Variants in SNAP25 observed in about 807,000 individuals in gnomAD.
SNAP25 encodes the protein synaptosomal-associated protein 25.
In SNAP25, 3 loss-of-function variants were observed where a neutral mutation model predicts 28.7. That is an observed-to-expected ratio of 0.10 (90% CI 0.05 to 0.27). The LOEUF (loss-of-function observed/expected upper bound fraction) is 0.27, where lower values mean the gene tolerates loss of function less well. SNAP25 is among the 10% of genes least tolerant of loss of function. The pLI, the probability that SNAP25 is intolerant of heterozygous loss-of-function variation, is 1.00. For missense variants in SNAP25, 117 were observed against 278.7 expected (o/e 0.42, Z 4.13); for synonymous variants, 61 against 88.1 (o/e 0.69, Z 1.72).
intron 1 of SNAP25, among the ~76,000 whole-genome samples, chr20:10,261,188 C>T (rs2122889545): frequency 6.6e-6 from 1 of 152,214 alleles, no homozygotes; most frequent in South Asian, 2.1e-4. Flanking sequence ...ATTTTTAGTA[C>T]AATGGGATTT....
intron 1 of SNAP25, among the ~76,000 whole-genome samples, chr20:10,246,339 G>A (rs977060296): frequency 2.4e-4 from 37 of 152,208 alleles, no homozygotes; most frequent in Non-Finnish European, 1.6e-4. Flanking sequence ...AGAAGGTGGA[G>A]AGAGAGATAA....
At chr20:10,246,195 G>A (rs1443456487) in intron 1 of SNAP25, among the ~76,000 whole-genome samples, 1 of 152,186 alleles carries the variant, frequency 6.6e-6, no homozygotes, top group Admixed American at 6.5e-5. Flanking sequence ...TCAAAGACAG[G>A]GTCTCACACT....
chr20:10,226,689 G>C (rs1387006738), intron 1 of SNAP25, among the ~76,000 whole-genome samples: 1 of 152,080 alleles, frequency 6.6e-6, no homozygotes, highest in Non-Finnish European at 1.5e-5. Context: ...TTTCTACTGA[G>C]CTGTCAGTAT....
At chr20:10,243,268 A>T (rs1600671203) in intron 1 of SNAP25, among the ~76,000 whole-genome samples, 1 of 152,362 alleles carries the variant, frequency 6.6e-6, no homozygotes, top group East Asian at 1.9e-4. Context: ...AAAAGTTGCA[A>T]GGGTGGTATA....
chr20:10,279,446 C>T (rs369312240), intron 3 of SNAP25, among the ~76,000 whole-genome samples: 3 of 152,074 alleles, frequency 2.0e-5, no homozygotes, highest in South Asian at 2.1e-4. Flanking sequence ...ATATCAGAAC[C>T]GTCACTAATT....
intron 1 of SNAP25, among the ~76,000 whole-genome samples, chr20:10,236,642 G>A (rs1251091861): frequency 6.6e-6 from 1 of 152,070 alleles, no homozygotes; most frequent in African/African-American, 2.4e-5. Flanking sequence ...ACACAAGGGA[G>A]GAGGCAATGG....
intron 1 of SNAP25, among the ~76,000 whole-genome samples, chr20:10,223,929 G>A (rs2062681637): frequency 6.6e-6 from 1 of 152,158 alleles, no homozygotes; most frequent in Admixed American, 6.5e-5. Flanking sequence ...GACATAAATT[G>A]ATTTAGAATG....
At chr20:10,246,099 T>G (rs2063122496) in intron 1 of SNAP25, among the ~76,000 whole-genome samples, 1 of 152,248 alleles carries the variant, frequency 6.6e-6, no homozygotes, top group Admixed American at 6.5e-5. Flanking sequence ...GTCTAAAGTC[T>G]GCTGGGAAAA....
intron 1 of SNAP25, among the ~76,000 whole-genome samples, chr20:10,230,664 T>C (rs548315665): frequency 6.6e-6 from 1 of 152,264 alleles, no homozygotes; most frequent in East Asian, 1.9e-4. Context: ...CTAGAGATCT[T>C]TGTTGTTCCT....
chr20:10,225,894 A>T (rs2062727062), intron 1 of SNAP25, among the ~76,000 whole-genome samples: 2 of 152,078 alleles, frequency 1.3e-5, no homozygotes, highest in South Asian at 4.2e-4. Flanking sequence ...AAGTAAAAAA[A>T]TGAAAGTCTC....
At chr20:10,306,050 A>G (rs555418682) in intron 7 of SNAP25, 79 bp from the exon 8 acceptor site, 3 of 1,343,178 alleles carry the variant, frequency 2.2e-6, no homozygotes, top group Admixed American at 1.8e-5. Context: ...CCCAAGAGGA[A>G]GCATTGGACC....
chr20:10,236,696 A>C (rs1463346243), intron 1 of SNAP25, among the ~76,000 whole-genome samples: 1 of 152,090 alleles, frequency 6.6e-6, no homozygotes, highest in Non-Finnish European at 1.5e-5. Context: ...CGCGTCATGG[A>C]AAACAAGCCA....
chr20:10,229,564 A>G (rs562439612), intron 1 of SNAP25, among the ~76,000 whole-genome samples: 2 of 152,300 alleles, frequency 1.3e-5, no homozygotes, highest in African/African-American at 4.8e-5. Flanking sequence ...TATATAAAGC[A>G]ATGACTTCAA....
At chr20:10,276,710 TGA>T (rs1482661964) in intron 2 of SNAP25, among the ~76,000 whole-genome samples, 7 of 152,246 alleles carry the variant, frequency 4.6e-5, no homozygotes, top group Non-Finnish European at 8.8e-5. Context: ...AAGTTTTCTG[TGA>T]GAATCAATTG....
intron 1 of SNAP25, among the ~76,000 whole-genome samples, chr20:10,254,107 G>T (rs2063277920): frequency 6.6e-6 from 1 of 152,328 alleles, no homozygotes; most frequent in South Asian, 2.1e-4. Flanking sequence ...AGATCCCTTT[G>T]TTCCCTTTTA....
chr20:10,255,520 T>C (rs1190861009), intron 1 of SNAP25, among the ~76,000 whole-genome samples: 2 of 152,212 alleles, frequency 1.3e-5, no homozygotes, highest in African/African-American at 2.4e-5. Context: ...GAATTCACTG[T>C]GGTCTATACA....
At chr20:10,280,182 G>T (rs138174550) in intron 3 of SNAP25, among the ~76,000 whole-genome samples, 1 of 152,134 alleles carries the variant, frequency 6.6e-6, no homozygotes, top group African/African-American at 2.4e-5. Context: ...ATCTCTCAGC[G>T]GAATATACAA....
chr20:10,229,788 GGA>G (rs1467649703), intron 1 of SNAP25, among the ~76,000 whole-genome samples: 1 of 152,054 alleles, frequency 6.6e-6, no homozygotes, highest in Non-Finnish European at 1.5e-5. Context: ...GTCTTGCAAT[GGA>G]TTCTAAGGTA....
intron 6 of SNAP25, among the ~76,000 whole-genome samples, chr20:10,298,245 T>C (rs2064157685): frequency 6.6e-6 from 1 of 152,198 alleles, no homozygotes; most frequent in Non-Finnish European, 1.5e-5. Context: ...CCAAGCACCA[T>C]TGAACTAGAA....
Sources: allele counts gnomAD v4.1 joint callset (sites outside exome capture counted in the v4.1 genomes callset), GRCh38; gene constraint gnomAD v4.1.1; transcripts MANE v1.5; gene names NCBI Gene and HGNC (gene_info 2026-07-23, HGNC 2026-07-21).